Variants in BTBD7 observed in about 807,000 individuals in gnomAD.
The protein encoded by BTBD7 is BTB domain containing 7, also known as BTB/POZ domain-containing protein 7.
Under a neutral mutation model 99.9 loss-of-function variants are expected in BTBD7, and 38 were observed. The observed-to-expected ratio is 0.38, with a 90% CI of 0.29 to 0.50. The LOEUF (loss-of-function observed/expected upper bound fraction) is 0.50, where lower values mean the gene tolerates loss of function less well. BTBD7 is among the 20% of genes least tolerant of loss of function. The pLI is 0.93. For synonymous variants in BTBD7, 520 were observed against 511.4 expected, an observed-to-expected ratio of 1.02 and a Z score of -0.23; for missense variants, 1,170 against 1,394.6, an observed-to-expected ratio of 0.84 and a Z score of 2.57.
intron 1 of BTBD7, among the ~76,000 whole-genome samples, chr14:93,319,901 A>C (rs983811157): frequency 4.3e-4 from 66 of 152,356 alleles, no homozygotes; most frequent in African/African-American, 1.6e-3. Context: ...TTGAGAGTTG[A>C]ATAACAGAGA....
intron 1 of BTBD7, among the ~76,000 whole-genome samples, chr14:93,323,019 T>A (rs977327011): frequency 1.3e-5 from 2 of 152,040 alleles, no homozygotes; most frequent in Non-Finnish European, 2.9e-5. Context: ...GCTACTCAGG[T>A]GGCTGAGGCA....
chr14:93,240,755 T>G lies in BTBD7; in HGVS notation c.*1518A>C, dbSNP rs2052216257. 2.0e-5 allele frequency: 3 copies of G among 152,600 alleles called. No individual in the cohort carries two copies. The South Asian group carries it at 6.2e-4, about 32-fold the overall frequency. 9.5% of individuals were successfully genotyped at this position (152,600 alleles called of 1,614,324 possible). On this transcript the variant is annotated 3_prime_UTR_variant, in exon 11 of 11. Coordinates refer to ENST00000334746, the MANE Select transcript of BTBD7 (RefSeq NM_001002860.4). ...AGTAAGAAAAAAAACAGTCCTTAGCTCACACATTGCCCTTCCAAGGGAGAG... is the reference window on the plus strand; with the variant it reads ...AGTAAGAAAAAAAACAGTCCTTAGCGCACACATTGCCCTTCCAAGGGAGAG...
rs772547510 is a variant in BTBD7, at chr14:93,243,080, T to C, written c.2592A>G (p.Gln864=). The change falls in exon 11 of 11, where the codon CAA becomes CAG. Residue 864 remains glutamine, a synonymous_variant. Transcript: ENST00000334746. ...CTGGCATCAGATCATTCAGCACAGG[T>C]TGTGTTCGCTGCAGACAGAGACAAA... is the stretch of plus-strand genomic sequence containing the variant. ...AAASEKQVRT[Q]PVLNDLMPDI... The C allele has an allele frequency of 6.2e-7, 1 of 1,610,282 alleles. No individual in the cohort carries two copies. Among genetic ancestry groups the C allele is most frequent in the Non-Finnish European group, 8.5e-7 (1 of 1,177,054 alleles).
At chr14:93,270,695 CAA>C (rs34308418) in intron 3 of BTBD7, among the ~76,000 whole-genome samples, 68 of 71,092 alleles carry the variant, frequency 9.6e-4, no homozygotes, top group Admixed American at 1.5e-3. Flanking sequence ...ACTCTTGTCT[CAA>C]AAAAAAAAAA....
chr14:93,276,511 T>TA (rs1168762853), intron 3 of BTBD7, among the ~76,000 whole-genome samples: 1 of 151,852 alleles, frequency 6.6e-6, no homozygotes, highest in Non-Finnish European at 1.5e-5. Flanking sequence ...AAAGTTAAAT[T>TA]AAAAAAAAGT....
intron 3 of BTBD7, among the ~76,000 whole-genome samples, chr14:93,273,740 AG>A (rs1157330894): frequency 2.6e-5 from 4 of 152,224 alleles, no homozygotes; most frequent in Non-Finnish European, 5.9e-5. Context: ...CTTTAAGATC[AG>A]TTCCTGCCTT....
Position 93,246,099 on chromosome 14 carries a change from G to A in BTBD7, c.2309C>T (p.Thr770Ile), listed in dbSNP as rs1426792231. 1.2e-6 allele frequency: 2 copies of A among 1,612,980 alleles called. No individual in the cohort carries two copies. Among genetic ancestry groups the A allele is most frequent in the Non-Finnish European group, 1.7e-6 (2 of 1,179,372 alleles). Reference protein sequence around the residue: ...PPPPPYHPPATPIHNQLKAGW... With the variant: ...PPPPPYHPPAIPIHNQLKAGW... ...TGCTTTGAGTTGGTTATGGATTGGG[G>A]TAGCTGGGGGGTGGTAGGGAGGTGG... The change falls in exon 10 of 11, where the codon ACC becomes ATC. Residue 770 changes from threonine to isoleucine, a missense_variant. Physicochemically the swap from Thr to Ile is moderately conservative, Grantham distance 89. Transcript: ENST00000334746.
intron 1 of BTBD7, among the ~76,000 whole-genome samples, chr14:93,317,977 G>A (rs1161398768): frequency 6.6e-6 from 1 of 152,168 alleles, no homozygotes; most frequent in Non-Finnish European, 1.5e-5. Context: ...CGGCTTCACT[G>A]GGATAAGACT....
At chr14:93,243,193 T>C (rs2052258104) in intron 10 of BTBD7, 105 bp from the exon 11 acceptor site, 3 of 1,130,148 alleles carry the variant, frequency 2.7e-6, no homozygotes, top group Non-Finnish European at 3.7e-6. Flanking sequence ...TAACACATTC[T>C]GTTTTTGTTT....
At chr14:93,257,566 A>C (rs528248559) in intron 5 of BTBD7, among the ~76,000 whole-genome samples, 2 of 152,348 alleles carry the variant, frequency 1.3e-5, no homozygotes, top group East Asian at 3.9e-4. Flanking sequence ...AGTACAATAA[A>C]ATTATTTTAT....
chr14:93,281,155 T>C (rs1489620320), intron 3 of BTBD7, among the ~76,000 whole-genome samples: 1 of 151,304 alleles, frequency 6.6e-6, no homozygotes, highest in Non-Finnish European at 1.5e-5. Context: ...TGTGCACCAC[T>C]ATGCCTGGCT....
chr14:93,238,170 A>T lies in BTBD7; in HGVS notation c.*4103T>A, dbSNP rs2139661298. ...ACAAGAGGTTATTTTCAAGACACAC[A>T]CTTGCAAGTAATCTTTCTATAGAAA... On this transcript the variant is annotated 3_prime_UTR_variant, in exon 11 of 11. Transcript: ENST00000334746. The T allele has an allele frequency of 6.5e-6, 1 of 152,718 alleles. No homozygotes were observed. The highest frequency in any genetic ancestry group is 2.4e-5 in the African/African-American group (1 of 41,550). 9.5% of individuals were successfully genotyped at this position (152,718 alleles called of 1,614,324 possible).
At chr14:93,289,275 A>C (rs1266050438) in intron 3 of BTBD7, among the ~76,000 whole-genome samples, 2 of 152,168 alleles carry the variant, frequency 1.3e-5, no homozygotes. Flanking sequence ...GAAGAACAAA[A>C]CCACATCCTT....
intron 1 of BTBD7, among the ~76,000 whole-genome samples, chr14:93,314,044 G>T (rs1203266299): frequency 3.3e-5 from 5 of 151,986 alleles, no homozygotes; most frequent in African/African-American, 9.7e-5. Context: ...ACCTCACCTG[G>T]CTGAAACTAT....
At chr14:93,308,712 A>G (rs187133373) in intron 1 of BTBD7, among the ~76,000 whole-genome samples, 1 of 152,346 alleles carries the variant, frequency 6.6e-6, no homozygotes, top group Admixed American at 6.5e-5. Flanking sequence ...ACACAGATGA[A>G]CCCTAAGAAC....
chr14:93,302,269 A>C (rs1006044429), intron 1 of BTBD7, among the ~76,000 whole-genome samples: 1 of 152,186 alleles, frequency 6.6e-6, no homozygotes, highest in Admixed American at 6.5e-5. Context: ...TGTATGACTA[A>C]AGCCTTGGGA....
intron 1 of BTBD7, among the ~76,000 whole-genome samples, chr14:93,308,299 A>G (rs2053095361): frequency 9.4e-6 from 1 of 105,958 alleles, no homozygotes; most frequent in African/African-American, 2.9e-5. Flanking sequence ...AAAAAAAAAA[A>G]AAAAAGAAAA....
At chr14:93,309,494 C>A (rs1242858179) in intron 1 of BTBD7, among the ~76,000 whole-genome samples, 2 of 151,008 alleles carry the variant, frequency 1.3e-5, no homozygotes, top group Admixed American at 6.7e-5. Context: ...TCTTATCCCC[C>A]CAACCTCCAC....
intron 1 of BTBD7, among the ~76,000 whole-genome samples, chr14:93,301,313 TCCTGAGTA>T (rs2053002260): frequency 1.3e-5 from 2 of 151,940 alleles, no homozygotes; most frequent in Non-Finnish European, 2.9e-5. Context: ...TGCCTCAGCC[TCCTGAGTA>T]GCTGGGATTA....
Sources: gnomAD v4.1 joint callset for allele counts (sites outside exome capture counted in the v4.1 genomes callset) on GRCh38, gnomAD v4.1.1 for gene constraint, MANE v1.5 for transcripts, NCBI Gene and HGNC (gene_info 2026-07-23, HGNC 2026-07-21) for gene names.